Variants in PDE4B observed in about 807,000 individuals in gnomAD.
PDE4B encodes the protein 3',5'-cyclic-AMP phosphodiesterase 4B.
Under a neutral mutation model 82.2 loss-of-function variants are expected in PDE4B, and 20 were observed. That is an observed-to-expected ratio of 0.24 (90% confidence interval 0.17 to 0.35). The LOEUF (loss-of-function observed/expected upper bound fraction) is 0.35. Ranked by LOEUF, PDE4B falls within the 10% of genes least tolerant of loss-of-function variation. PDE4B has a pLI of 1.00. For synonymous variants in PDE4B, 320 were observed against 318.9 expected (o/e 1.00, Z -0.04); for missense variants, 655 against 907.2 (o/e 0.72, Z 3.57).
At chr1:66,287,117 G>A (rs1175267362) in intron 7 of PDE4B, among the ~76,000 whole-genome samples, 1 of 152,124 alleles carries the variant, frequency 6.6e-6, no homozygotes, top group Non-Finnish European at 1.5e-5. Flanking sequence ...ATTTAAATGT[G>A]ACACATTTAC....
At chr1:66,045,298 C>T (rs1402517017) in intron 3 of PDE4B, among the ~76,000 whole-genome samples, 1 of 151,342 alleles carries the variant, frequency 6.6e-6, no homozygotes, top group Non-Finnish European at 1.5e-5. Context: ...ATTTTAGAAT[C>T]TCAAAGTAGC....
At chr1:66,097,121 A>AG (rs1349787233) in intron 3 of PDE4B, among the ~76,000 whole-genome samples, 3 of 152,064 alleles carry the variant, frequency 2.0e-5, no homozygotes, top group African/African-American at 7.2e-5. Flanking sequence ...ATATATCAGA[A>AG]GGGGATTACT....
At chr1:66,034,613 T>C (rs1653968802) in intron 3 of PDE4B, among the ~76,000 whole-genome samples, 1 of 152,232 alleles carries the variant, frequency 6.6e-6, no homozygotes, top group African/African-American at 2.4e-5. Flanking sequence ...TGAAAAATTC[T>C]GCACAAACTT....
chr1:65,924,918 A>G (rs1407007554), intron 3 of PDE4B, among the ~76,000 whole-genome samples: 1 of 152,224 alleles, frequency 6.6e-6, no homozygotes. Context: ...TATTTTTACA[A>G]CTTAGTCTTA....
intron 3 of PDE4B, among the ~76,000 whole-genome samples, chr1:65,934,538 A>G (rs922472771): frequency 6.6e-6 from 1 of 152,226 alleles, no homozygotes. Flanking sequence ...TTCTCTATCA[A>G]TGCTTACTTT....
intron 2 of PDE4B, among the ~76,000 whole-genome samples, chr1:65,915,895 A>G (rs1557430044): frequency 1.3e-5 from 2 of 152,194 alleles, no homozygotes; most frequent in Non-Finnish European, 2.9e-5. Flanking sequence ...ACCATGATAC[A>G]TTTTAAAAGT....
chr1:66,141,327 AATATATATATAT>A lies in PDE4B; in HGVS notation c.282-106104_282-106093del, dbSNP rs71058454. Among the ~76,000 whole-genome samples, 415 of 91,450 alleles carry A rather than the reference AATATATATATAT, an allele frequency of 4.5e-3. 2 individuals carry two copies. Among genetic ancestry groups the A allele is most frequent in the South Asian group, 0.03 (80 of 2,652 alleles). 60.0% of individuals were successfully genotyped at this position (91,450 alleles called of 152,430 possible). A position where few individuals can be genotyped will look rare whatever the true frequency, so the allele number is the denominator to read the frequency against. On this transcript the variant is annotated intron_variant, in intron 3 of 16. Transcript: ENST00000341517. The stretch of plus-strand genomic sequence containing the variant: ...AGCAGTGCAGATAGAAAGCTTTGAG[AATATATATATAT>A]ATATATATATATATATATATATATA...
At chr1:66,223,372 T>C (rs1011107930) in intron 3 of PDE4B, among the ~76,000 whole-genome samples, 3 of 152,186 alleles carry the variant, frequency 2.0e-5, no homozygotes, top group African/African-American at 7.2e-5. Context: ...TTAGGTTGAT[T>C]ACTCAGTTTC....
At chr1:66,185,684 G>GTTGT (rs1442258776) in intron 3 of PDE4B, among the ~76,000 whole-genome samples, 1 of 151,606 alleles carries the variant, frequency 6.6e-6, no homozygotes, top group Admixed American at 6.6e-5. Flanking sequence ...GGTTGATGGA[G>GTTGT]TTGTTTTTTC....
At chr1:65,798,121 A>G (rs1402891659) in intron 1 of PDE4B, among the ~76,000 whole-genome samples, 1 of 151,816 alleles carries the variant, frequency 6.6e-6, no homozygotes, top group African/African-American at 2.4e-5. Context: ...GGGTTCAAGC[A>G]ATTCTTCTGC....
At chr1:66,201,218 C>G (rs1220522901) in intron 3 of PDE4B, among the ~76,000 whole-genome samples, 1 of 152,110 alleles carries the variant, frequency 6.6e-6, no homozygotes, top group Non-Finnish European at 1.5e-5. Context: ...GGTGGATAAG[C>G]TTTTTGATGT....
rs76102265 is a variant in PDE4B at position 66,248,193 on chromosome 1, C to T, written c.476+539C>T. Among the ~76,000 whole-genome samples the T allele has an allele frequency of 3.1e-3, 479 of 152,270 alleles. 1 individual carries two copies. Among genetic ancestry groups the T allele is most frequent in the African/African-American group, 0.011 (457 of 41,560 alleles). On this transcript the variant is annotated intron_variant, in intron 4 of 16. Coordinates refer to ENST00000341517, the MANE Select transcript of PDE4B (RefSeq NM_002600.4). Reference sequence around the variant, plus strand: ...CTTGGTGAGACACAACACACTCCACCGCCCTGTAAAGCACTGCTGATATTT... The same window carrying T: ...CTTGGTGAGACACAACACACTCCACTGCCCTGTAAAGCACTGCTGATATTT...
intron 15 of PDE4B, 76 bp downstream of exon 15, chr1:66,368,141 A>G: frequency 2.0e-6 from 3 of 1,513,970 alleles, no homozygotes; most frequent in Non-Finnish European, 2.7e-6. Context: ...AAAGAAAACA[A>G]AGATAAATTC....
At chr1:66,223,493 C>T (rs1651170673) in intron 3 of PDE4B, among the ~76,000 whole-genome samples, 1 of 152,192 alleles carries the variant, frequency 6.6e-6, no homozygotes, top group African/African-American at 2.4e-5. Context: ...CTCCATAAGG[C>T]TTGACACATT....
Position 66,096,513 on chromosome 1 carries a change from T to C in PDE4B, c.282-150947T>C, listed in dbSNP as rs868033053. Among the ~76,000 whole-genome samples the C allele has an allele frequency of 5.3e-4, 71 of 133,990 alleles. 2 individuals carry two copies. The highest frequency in any genetic ancestry group is 1.5e-3 in the Admixed American group (21 of 13,626). The allele number at this position is 133,990 out of a possible 152,430, so 87.9% of individuals were successfully genotyped here. ...TGCGGTATAAGTAAAAAAAATTATA[T>C]ATATATATATATATATATATATATA... On this transcript the variant is annotated intron_variant, in intron 3 of 16. Transcript: ENST00000341517.
At chr1:65,863,182 C>T (rs1646474185) in intron 1 of PDE4B, among the ~76,000 whole-genome samples, 1 of 152,194 alleles carries the variant, frequency 6.6e-6, no homozygotes, top group Admixed American at 6.5e-5. Context: ...AGCTGTGTCT[C>T]AGAGGTTCTG....
intron 3 of PDE4B, among the ~76,000 whole-genome samples, chr1:66,122,843 T>C (rs1483020823): frequency 6.6e-6 from 1 of 151,720 alleles, no homozygotes; most frequent in African/African-American, 2.4e-5. Context: ...GTAGCTGGGA[T>C]TACAGGTGCC....
chr1:65,928,949 A>T (rs1030069991), intron 3 of PDE4B, among the ~76,000 whole-genome samples: 1 of 152,196 alleles, frequency 6.6e-6, no homozygotes, highest in African/African-American at 2.4e-5. Context: ...GGCCTGATCC[A>T]ACTCTGTATT....
intron 7 of PDE4B, among the ~76,000 whole-genome samples, chr1:66,309,343 T>C (rs139190416): frequency 1.4e-3 from 214 of 152,322 alleles, no homozygotes; most frequent in African/African-American, 5.0e-3. Flanking sequence ...GTTTATAAAA[T>C]CTCCAAGTTG....
Sources: allele counts gnomAD v4.1 joint callset (sites outside exome capture counted in the v4.1 genomes callset), GRCh38; gene constraint gnomAD v4.1.1; transcripts MANE v1.5; gene names NCBI Gene and HGNC (gene_info 2026-07-23, HGNC 2026-07-21).